The following DLEC1 variants were observed in gnomAD, a reference collection of about 807,000 sequenced individuals.
The protein encoded by DLEC1 is DLEC1 cilia and flagella associated protein.
Under a neutral mutation model 198.1 loss-of-function variants are expected in DLEC1, and 146 were observed. The ratio of observed to expected loss-of-function variants is 0.74; its 90% CI spans 0.64 to 0.85. DLEC1 has a LOEUF of 0.85. DLEC1 is among the 40% of genes least tolerant of loss of function. The pLI, the probability that DLEC1 is intolerant of heterozygous loss-of-function variation, is 0.00. For missense variants in DLEC1, 2,233 were observed against 2,220.0 expected (o/e 1.01, Z -0.12); for synonymous variants, 897 against 866.8 (o/e 1.03, Z -0.61).
At chr3:38,051,766 T>C (rs1701129888) in intron 2 of DLEC1, 1 of 160,186 alleles carries the variant, frequency 6.2e-6, no homozygotes, top group South Asian at 1.9e-4. Context: ...AAAAATAAAA[T>C]TAGGTGGTTA....
intron 6 of DLEC1, among the ~76,000 whole-genome samples, chr3:38,066,269 A>G (rs1344291782): frequency 1.3e-5 from 2 of 152,234 alleles, no homozygotes; most frequent in African/African-American, 2.4e-5. Flanking sequence ...TTTTTCTTCA[A>G]TCAGGGCTTA....
At chr3:38,114,304 G>C (rs748707834) in intron 25 of DLEC1, 38 bp from the exon 26 acceptor site, 1 of 1,605,438 alleles carries the variant, frequency 6.2e-7, no homozygotes, top group Admixed American at 1.7e-5. Context: ...GGTCGCAACC[G>C]GTGACAGGAG....
chr3:38,051,250 T>C (rs145687295), intron 2 of DLEC1, among the ~76,000 whole-genome samples: 3 of 152,362 alleles, frequency 2.0e-5, no homozygotes, highest in South Asian at 2.1e-4. Context: ...CAACAAAGTT[T>C]GAAAACTTCC....
At chr3:38,111,586 C>T in intron 23 of DLEC1, 91 bp from the exon 24 acceptor site, 1 of 1,404,682 alleles carries the variant, frequency 7.1e-7, no homozygotes, top group Non-Finnish European at 9.7e-7. Context: ...TGCTGGGCAC[C>T]TGGTAGAATG....
At chr3:38,077,119 C>G (rs967293103) in intron 6 of DLEC1, among the ~76,000 whole-genome samples, 1 of 152,126 alleles carries the variant, frequency 6.6e-6, no homozygotes, top group Admixed American at 6.5e-5. Context: ...TCAGCATAGT[C>G]CTGCCAGCAA....
rs1575368725 is a variant in DLEC1, at chr3:38,039,766, C to T, written c.411+130C>T. ...GCAGTTGAGAAACAGCCCATCATGC[C>T]GAAGTGGGCCCGACATTCTAGTGGA... On this transcript the variant is annotated intron_variant, in intron 1 of 36. Transcript: ENST00000308059. The T allele has an allele frequency of 5.6e-6, 7 of 1,248,352 alleles. No homozygotes were observed. The East Asian group carries it at 1.8e-4, about 32-fold the overall frequency. 77.3% of individuals were successfully genotyped at this position (1,248,352 alleles called of 1,614,324 possible).
intron 35 of DLEC1, 42 bp downstream of exon 35, chr3:38,121,823 G>A (rs1324783142): frequency 6.2e-7 from 1 of 1,602,042 alleles, no homozygotes; most frequent in Non-Finnish European, 8.5e-7. Flanking sequence ...CCCCTACAGG[G>A]CTGTGCCAAG....
intron 34 of DLEC1, among the ~76,000 whole-genome samples, chr3:38,120,985 G>T (rs994914186): frequency 6.6e-6 from 1 of 152,188 alleles, no homozygotes; most frequent in African/African-American, 2.4e-5. Flanking sequence ...ACAGCCCTGG[G>T]GCTTGCCAGG....
At chr3:38,054,854 G>T (rs1297969604) in intron 2 of DLEC1, among the ~76,000 whole-genome samples, 1 of 152,194 alleles carries the variant, frequency 6.6e-6, no homozygotes, top group Non-Finnish European at 1.5e-5. Flanking sequence ...CCACGAGTAA[G>T]TCAGCAGAAC....
rs768483582 is a variant in DLEC1, at chr3:38,116,799, T to C, written c.4089T>C (p.Asn1363=). 1.9e-6 allele frequency: 3 copies of C among 1,613,454 alleles called. No individual in the cohort carries two copies. The highest frequency in any genetic ancestry group is 1.7e-5 in the Admixed American group (1 of 59,944). The change falls in exon 29 of 37, where the codon AAT becomes AAC. Residue 1363 remains asparagine (N), a synonymous_variant. Coordinates refer to ENST00000308059, the MANE Select transcript of DLEC1 (RefSeq NM_007335.4). ...SSVEGSSSAS[N]RVAQKLISVI... ...TTGAGGGCAGCTCCAGTGCCAGCAA[T>C]AGGGTGGCACAGAAGCTCATCTCAG...
chr3:38,048,774 G>A (rs1216668903), intron 2 of DLEC1, among the ~76,000 whole-genome samples: 2 of 152,118 alleles, frequency 1.3e-5, no homozygotes, highest in Admixed American at 6.5e-5. Flanking sequence ...AGCAGCAGAA[G>A]CCCTATCCTT....
At chr3:38,098,477 C>A (rs938271598) in intron 18 of DLEC1, among the ~76,000 whole-genome samples, 1 of 152,228 alleles carries the variant, frequency 6.6e-6, no homozygotes, top group Admixed American at 6.5e-5. Flanking sequence ...GACAAAGTCA[C>A]ACAAATCACC....
At chr3:38,114,245 G>T in intron 25 of DLEC1, 97 bp from the exon 26 acceptor site, 1 of 1,188,258 alleles carries the variant, frequency 8.4e-7, no homozygotes, top group Non-Finnish European at 1.2e-6. Context: ...CCAAACTGTG[G>T]GGCCCCTGGG....
chr3:38,082,668 C>T (rs1459340962), intron 6 of DLEC1, among the ~76,000 whole-genome samples: 17 of 151,680 alleles, frequency 1.1e-4, no homozygotes, highest in Non-Finnish European at 1.5e-4. Context: ...TGCCCCTCCC[C>T]CAGAAAAGCA....
chr3:38,117,335 T>G (rs1700230988), intron 31 of DLEC1, 33 bp downstream of exon 31: 1 of 1,611,110 alleles, frequency 6.2e-7, no homozygotes, highest in African/African-American at 1.3e-5. Context: ...TCTCCTTTCA[T>G]CCCCATGGGG....
At chr3:38,068,663 AG>A (rs1162513851) in intron 6 of DLEC1, among the ~76,000 whole-genome samples, 1 of 152,250 alleles carries the variant, frequency 6.6e-6, no homozygotes, top group Non-Finnish European at 1.5e-5. Context: ...AGAAAGCTCT[AG>A]GAGAGGTTGA....
At chr3:38,087,840 G>A (rs1177417508) in intron 9 of DLEC1, among the ~76,000 whole-genome samples, 3 of 152,220 alleles carry the variant, frequency 2.0e-5, no homozygotes, top group African/African-American at 7.2e-5. Flanking sequence ...CGTGCCTCAG[G>A]AGCTTGTAGC....
chr3:38,071,826 T>C (rs1420254450), intron 6 of DLEC1, among the ~76,000 whole-genome samples: 5 of 152,236 alleles, frequency 3.3e-5, no homozygotes, highest in Admixed American at 6.5e-5. Flanking sequence ...CACATGGTGG[T>C]GCAGAATATG....
intron 19 of DLEC1, 99 bp from the exon 20 acceptor site, chr3:38,107,485 C>A: frequency 7.8e-7 from 1 of 1,275,198 alleles, no homozygotes; most frequent in South Asian, 1.8e-5. Context: ...AATATAGATA[C>A]CTTGGGATTT....
Sources: allele counts gnomAD v4.1 joint callset (sites outside exome capture counted in the v4.1 genomes callset), GRCh38; gene constraint gnomAD v4.1.1; transcripts MANE v1.5; gene names NCBI Gene and HGNC (gene_info 2026-07-23, HGNC 2026-07-21).